PPP6R3: variants seen among roughly 807,000 people sequenced by gnomAD.
PPP6R3 encodes protein phosphatase 6 regulatory subunit 3.
A neutral mutation model predicts 110.7 loss-of-function variants in PPP6R3; 38 were observed. The observed-to-expected ratio is 0.34, with a 90% CI of 0.26 to 0.45. The LOEUF (loss-of-function observed/expected upper bound fraction) is 0.45. PPP6R3 is among the 20% of genes least tolerant of loss of function. PPP6R3 has a pLI of 1.00. For synonymous variants in PPP6R3, 369 were observed against 373.5 expected, an observed-to-expected ratio of 0.99 and a Z score of 0.14; for missense variants, 870 against 1,062.4, an observed-to-expected ratio of 0.82 and a Z score of 2.52.
intron 1 of PPP6R3, among the ~76,000 whole-genome samples, chr11:68,507,246 A>ATTTTTTTTTT (rs58191278): frequency 8.7e-6 from 1 of 114,982 alleles, no homozygotes. Context: ...GTCTTTTTGC[A>ATTTTTTTTTT]TTTTTTTTTT....
intron 8 of PPP6R3, 30 bp from the exon 9 acceptor site, chr11:68,564,270 TATA>T (rs2099446403): frequency 3.2e-6 from 5 of 1,570,842 alleles, no homozygotes; most frequent in Non-Finnish European, 3.5e-6. Context: ...GTTCTGAAAT[TATA>T]ATAACTAAAA....
chr11:68,495,736 T>G (rs7115050), intron 1 of PPP6R3, among the ~76,000 whole-genome samples: 2 of 152,192 alleles, frequency 1.3e-5, no homozygotes, highest in Admixed American at 6.5e-5. Flanking sequence ...ATTCATCAGT[T>G]GATAGATACT....
intron 1 of PPP6R3, among the ~76,000 whole-genome samples, chr11:68,490,102 CCTT>C (rs1361542690): frequency 1.3e-5 from 2 of 152,140 alleles, no homozygotes; most frequent in Non-Finnish European, 2.9e-5. Context: ...GGATCATTTT[CCTT>C]CTTTCTGAAA....
At chr11:68,571,437 A>G (rs1212175760) in intron 12 of PPP6R3, among the ~76,000 whole-genome samples, 2 of 152,154 alleles carry the variant, frequency 1.3e-5, no homozygotes, top group Non-Finnish European at 2.9e-5. Context: ...GACTTAGTGT[A>G]TTTGTCCTGG....
intron 1 of PPP6R3, among the ~76,000 whole-genome samples, chr11:68,465,330 T>G (rs771576847): frequency 5.3e-5 from 8 of 152,246 alleles, no homozygotes; most frequent in Non-Finnish European, 8.8e-5. Context: ...AGTTGGACTC[T>G]TCTGTGCCCT....
In PPP6R3 at chr11:68,613,332, G is replaced by A. The variant is rs545199889; in HGVS notation, c.*215G>A. On this transcript the variant is annotated 3_prime_UTR_variant, in exon 24 of 24. Transcript: ENST00000393800. ...ATTGACAAATACCAAGAATTTTTGCGTATGTTTATATTGTATTGTTCTAAA... is the reference window on the plus strand; with the variant it reads ...ATTGACAAATACCAAGAATTTTTGCATATGTTTATATTGTATTGTTCTAAA... 133 of 1,336,874 alleles carry A rather than the reference G, an allele frequency of 9.9e-5. No individual in the cohort carries two copies. The highest frequency in any genetic ancestry group is 3.6e-4 in the East Asian group (12 of 33,752). The allele number at this position is 1,336,874 out of a possible 1,614,324, so 82.8% of individuals were successfully genotyped here. A position where few individuals can be genotyped will look rare whatever the true frequency, so the allele number is the denominator to read the frequency against.
chr11:68,535,506 G>A (rs141737500), intron 2 of PPP6R3: 10 of 152,258 alleles, frequency 6.6e-5, no homozygotes, highest in African/African-American at 2.2e-4. Context: ...CCTTAAATAT[G>A]TCTTGGTCCT....
chr11:68,473,956 T>A (rs531497708), intron 1 of PPP6R3, among the ~76,000 whole-genome samples: 13 of 152,304 alleles, frequency 8.5e-5, no homozygotes, highest in East Asian at 1.9e-4. Context: ...TTTAACATTT[T>A]GAAGATTTGC....
In PPP6R3 at chr11:68,613,230, G is replaced by T; in HGVS notation, c.*113G>T. ...TCACTGCTGCACTCACTCTGCAAGGGATCAGGACCAGCAACCTTTATATTC... is the reference window on the plus strand; with the variant it reads ...TCACTGCTGCACTCACTCTGCAAGGTATCAGGACCAGCAACCTTTATATTC... On this transcript the variant is annotated 3_prime_UTR_variant, in exon 24 of 24. Coordinates refer to ENST00000393800, the MANE Select transcript of PPP6R3 (RefSeq NM_001164161.2). 1 of 1,492,154 alleles carries T rather than the reference G, an allele frequency of 6.7e-7. No individual in the cohort carries two copies. Among genetic ancestry groups the T allele is most frequent in the Non-Finnish European group, 8.9e-7 (1 of 1,122,588 alleles). 92.4% of individuals were successfully genotyped at this position (1,492,154 alleles called of 1,614,324 possible). A position where few individuals can be genotyped will look rare whatever the true frequency, so the allele number is the denominator to read the frequency against.
intron 18 of PPP6R3, among the ~76,000 whole-genome samples, chr11:68,594,764 G>C (rs990900032): frequency 1.3e-5 from 2 of 152,084 alleles, no homozygotes; most frequent in Non-Finnish European, 2.9e-5. Context: ...AAAGGATCTA[G>C]AATAGCCAAA....
At chr11:68,538,809 G>A (rs1340856140) in intron 3 of PPP6R3, among the ~76,000 whole-genome samples, 1 of 152,208 alleles carries the variant, frequency 6.6e-6, no homozygotes, top group African/African-American at 2.4e-5. Context: ...TTCACTCAGA[G>A]ATTAGTGTCT....
chr11:68,464,439 A>G (rs987309136), intron 1 of PPP6R3, among the ~76,000 whole-genome samples: 3 of 152,022 alleles, frequency 2.0e-5, no homozygotes, highest in Admixed American at 1.3e-4. Flanking sequence ...ACGAGAATCT[A>G]TTTTTTAGAA....
intron 1 of PPP6R3, among the ~76,000 whole-genome samples, chr11:68,483,892 A>G (rs1456440801): frequency 6.6e-6 from 1 of 151,944 alleles, no homozygotes; most frequent in African/African-American, 2.4e-5. Flanking sequence ...ATTCATCCTT[A>G]CCTCCCTGCA....
chr11:68,496,019 C>G (rs1176034610), intron 1 of PPP6R3, among the ~76,000 whole-genome samples: 1 of 152,160 alleles, frequency 6.6e-6, no homozygotes, highest in African/African-American at 2.4e-5. Context: ...GCGTCTCACT[C>G]TGTTGCCCAG....
At chr11:68,517,243 C>T (rs1443701025) in intron 1 of PPP6R3, among the ~76,000 whole-genome samples, 1 of 151,414 alleles carries the variant, frequency 6.6e-6, no homozygotes, top group African/African-American at 2.4e-5. Flanking sequence ...GTTTGTTTTG[C>T]TGCTTTTTAT....
rs117345069 is a variant in PPP6R3, at chr11:68,550,876, T to C, written c.553-245T>C. 4.4e-3 allele frequency: 1,814 copies of C among 410,028 alleles called. 10 individuals carry two copies. Among genetic ancestry groups the C allele is most frequent in the Middle Eastern group, 0.019 (30 of 1,558 alleles). 25.4% of individuals were successfully genotyped at this position (410,028 alleles called of 1,614,324 possible). ...TGACCTCATGGCTAAGAAGCTGATA[T>C]ATAGAATTTTAGTGTGTGGGTATTG... On this transcript the variant is annotated intron_variant, in intron 5 of 23. Coordinates refer to ENST00000393800, the MANE Select transcript of PPP6R3 (RefSeq NM_001164161.2).
chr11:68,523,927 G>A (rs2099180696), intron 2 of PPP6R3, among the ~76,000 whole-genome samples: 1 of 152,026 alleles, frequency 6.6e-6, no homozygotes, highest in African/African-American at 2.4e-5. Context: ...TGGAGAATGC[G>A]TGGGGTTCAA....
At chr11:68,472,671 T>C (rs1335930930) in intron 1 of PPP6R3, among the ~76,000 whole-genome samples, 1 of 151,946 alleles carries the variant, frequency 6.6e-6, no homozygotes, top group East Asian at 1.9e-4. Context: ...GACTATTCAA[T>C]TGATCAATTT....
At chr11:68,598,781 A>G (rs1444242376) in intron 19 of PPP6R3, among the ~76,000 whole-genome samples, 1 of 152,244 alleles carries the variant, frequency 6.6e-6, no homozygotes, top group African/African-American at 2.4e-5. Flanking sequence ...CTCAGATAGA[A>G]TGATTCCAGA....
Sources: allele counts gnomAD v4.1 joint callset (sites outside exome capture counted in the v4.1 genomes callset), GRCh38; gene constraint gnomAD v4.1.1; transcripts MANE v1.5; gene names NCBI Gene and HGNC (gene_info 2026-07-23, HGNC 2026-07-21).